The following PREX1 variants were observed in gnomAD, a reference collection of about 807,000 sequenced individuals.
The protein encoded by PREX1 is phosphatidylinositol-3,4,5-trisphosphate dependent Rac exchange factor 1.
In PREX1, 41 loss-of-function variants were observed where a neutral mutation model predicts 198.3. That is an observed-to-expected ratio of 0.21 (90% CI 0.16 to 0.27). The LOEUF (loss-of-function observed/expected upper bound fraction) is 0.27, where lower values mean the gene tolerates loss of function less well. Ranked by LOEUF, PREX1 falls within the 10% of genes least tolerant of loss-of-function variation. The pLI, the probability that PREX1 is intolerant of heterozygous loss-of-function variation, is 1.00. For missense variants in PREX1, 1,620 were observed against 2,200.7 expected (o/e 0.74, Z 5.28); for synonymous variants, 843 against 887.2 (o/e 0.95, Z 0.89).
At chr20:48,705,069 T>G (rs902988895) in intron 6 of PREX1, among the ~76,000 whole-genome samples, 1 of 152,214 alleles carries the variant, frequency 6.6e-6, no homozygotes, top group African/African-American at 2.4e-5. Flanking sequence ...TGACATGTAT[T>G]GGGCGTTTTC....
chr20:48,744,031 G>T (rs1352443404), intron 3 of PREX1, among the ~76,000 whole-genome samples: 1 of 149,140 alleles, frequency 6.7e-6, no homozygotes, highest in Non-Finnish European at 1.5e-5. Context: ...TGATGATGAT[G>T]ATGAGTTAAC....
intron 14 of PREX1, among the ~76,000 whole-genome samples, chr20:48,671,886 T>C (rs976048684): frequency 6.6e-6 from 1 of 152,196 alleles, no homozygotes; most frequent in African/African-American, 2.4e-5. Flanking sequence ...AAGCCACAGA[T>C]AGGCTGCTGA....
chr20:48,661,268 A>G (rs1471990237), intron 15 of PREX1, among the ~76,000 whole-genome samples: 2 of 150,686 alleles, frequency 1.3e-5, no homozygotes, highest in Non-Finnish European at 3.0e-5. Context: ...AAAAATACAA[A>G]ATTAGCTGGG....
chr20:48,690,944 C>T lies in PREX1; in HGVS notation c.1186+3G>A, dbSNP rs375355049. The T allele has an allele frequency of 2.2e-5, 35 of 1,613,658 alleles. No homozygotes were observed. The African/African-American group carries it at 4.5e-4, about 21-fold the overall frequency. On this transcript the variant is annotated splice_donor_region_variant and intron_variant, in intron 9 of 39. Transcript: ENST00000371941. ...AGGCGAGCACCCCAAAGCTGCTGCT[C>T]ACTCTCGCGCTGCTCCCGCTCGCGG...
upstream of PREX1, among the ~76,000 whole-genome samples, chr20:48,831,988 C>G (rs1008628614): frequency 6.6e-6 from 1 of 152,144 alleles, no homozygotes; most frequent in African/African-American, 2.4e-5. Flanking sequence ...CCTCTATTCC[C>G]TTCTTCCCCA....
chr20:48,830,217 T>C (rs1483351000), upstream of PREX1, among the ~76,000 whole-genome samples: 2 of 152,096 alleles, frequency 1.3e-5, no homozygotes, highest in African/African-American at 2.4e-5. Context: ...ATTTTAAAAA[T>C]TAGCTGGGCA....
intron 5 of PREX1, among the ~76,000 whole-genome samples, chr20:48,717,832 T>G (rs2089969007): frequency 1.3e-5 from 2 of 152,200 alleles, no homozygotes; most frequent in African/African-American, 4.8e-5. Flanking sequence ...TGTTCTGGCT[T>G]TGATGAGGAT....
intron 1 of PREX1, among the ~76,000 whole-genome samples, chr20:48,814,184 C>G (rs2090449365): frequency 6.6e-6 from 1 of 152,226 alleles, no homozygotes. Flanking sequence ...CCCCATTCAG[C>G]CCCTTTTGCT....
chr20:48,697,192 C>T (rs754706686), intron 7 of PREX1, among the ~76,000 whole-genome samples: 6 of 152,092 alleles, frequency 3.9e-5, no homozygotes, highest in Admixed American at 6.6e-5. Flanking sequence ...CACTTGACCA[C>T]GCACCAGGCC....
intron 1 of PREX1, among the ~76,000 whole-genome samples, chr20:48,787,540 C>G (rs2090318878): frequency 2.0e-5 from 3 of 151,688 alleles, no homozygotes; most frequent in Admixed American, 2.0e-4. Context: ...TTTACTCTCT[C>G]TGCTGCTCCC....
intron 5 of PREX1, 126 bp downstream of exon 5, chr20:48,726,163 TG>T: frequency 1.4e-6 from 1 of 724,636 alleles, no homozygotes; most frequent in Non-Finnish European, 2.4e-6. Context: ...GGCAGGGTCC[TG>T]GTTTAAATCC....
chr20:48,703,497 C>T (rs2089886118), intron 6 of PREX1, among the ~76,000 whole-genome samples: 1 of 152,158 alleles, frequency 6.6e-6, no homozygotes, highest in East Asian at 1.9e-4. Flanking sequence ...CTCCCTGGGG[C>T]TTCATCATGG....
At chr20:48,637,832 C>A in intron 30 of PREX1, 80 bp from the exon 31 acceptor site, 1 of 1,294,148 alleles carries the variant, frequency 7.7e-7, no homozygotes. Context: ...GGCCCCTCCC[C>A]ATGGCACCTC....
intron 1 of PREX1, among the ~76,000 whole-genome samples, chr20:48,757,688 G>A (rs1299501158): frequency 3.9e-5 from 6 of 152,304 alleles, no homozygotes; most frequent in Non-Finnish European, 8.8e-5. Context: ...GATCACAGGA[G>A]GTGCCCAATA....
At chr20:48,757,056 G>A (rs1043249610) in intron 1 of PREX1, among the ~76,000 whole-genome samples, 1 of 152,112 alleles carries the variant, frequency 6.6e-6, no homozygotes, top group African/African-American at 2.4e-5. Context: ...TCCCTCCCAT[G>A]ACACATGGGA....
At chr20:48,744,053 G>A (rs368579285) in intron 3 of PREX1, among the ~76,000 whole-genome samples, 32 of 152,154 alleles carry the variant, frequency 2.1e-4, no homozygotes, top group Non-Finnish European at 3.8e-4. Flanking sequence ...GTGGCCGAGT[G>A]CTGATACACC....
rs115331048 is a variant in PREX1, at chr20:48,803,671, T to C, written c.219+23971A>G. ...CCGAGGTCTGATATCCTGGAAGTCG[T>C]GCCCTGAGTCCTGCTCTTAGTACAT... On this transcript the variant is annotated intron_variant, in intron 1 of 39. Transcript: ENST00000371941. 8.0e-4 allele frequency among the ~76,000 whole-genome samples: 122 copies of C among 152,296 alleles called. 1 individual carries two copies. The highest frequency in any genetic ancestry group is 2.8e-3 in the African/African-American group (117 of 41,552).
intron 30 of PREX1, 40 bp from the exon 31 acceptor site, chr20:48,637,792 A>C: frequency 9.2e-7 from 1 of 1,090,230 alleles, no homozygotes. Flanking sequence ...ACGGGCTGGG[A>C]GGGGGCAGCA....
intron 1 of PREX1, 44 bp from the exon 2 acceptor site, chr20:48,747,924 C>T (rs779240191): frequency 1.3e-6 from 2 of 1,553,162 alleles, no homozygotes; most frequent in Non-Finnish European, 1.8e-6. Context: ...GCGTCTCCAG[C>T]TCTCCCATGG....
Sources: allele counts gnomAD v4.1 joint callset (sites outside exome capture counted in the v4.1 genomes callset), GRCh38; gene constraint gnomAD v4.1.1; transcripts MANE v1.5; gene names NCBI Gene and HGNC (gene_info 2026-07-23, HGNC 2026-07-21).